SIRT7: variants seen among roughly 807,000 people sequenced by gnomAD.
SIRT7 encodes NAD-dependent protein deacetylase sirtuin-7.
SIRT7 carries 32 observed loss-of-function variants against 42.8 expected under a neutral mutation model. The ratio of observed to expected loss-of-function variants is 0.75; its 90% CI spans 0.56 to 1.00. SIRT7 has a LOEUF of 1.00. SIRT7 is among the 50% of genes least tolerant of loss of function. The pLI is 0.00. For missense variants in SIRT7, 553 were observed against 572.2 expected (o/e 0.97, Z 0.34); for synonymous variants, 297 against 245.2 (o/e 1.21, Z -1.97).
In SIRT7 at chr17:81,918,020, G is replaced by A. The variant is rs760532399; in HGVS notation, c.93+19C>T. 90 of 1,430,676 alleles carry A rather than the reference G, an allele frequency of 6.3e-5. No homozygotes were observed. The highest frequency in any genetic ancestry group is 7.8e-5 in the Non-Finnish European group (86 of 1,098,402). The allele number at this position is 1,430,676 out of a possible 1,614,324, so 88.6% of individuals were successfully genotyped here. ...GCGCGGGCCGGGCATGGCCGGGCCG[G>A]GGAGCGGCGGCGGCGTACCTGGCGG... On this transcript the variant is annotated intron_variant, in intron 1 of 9. Transcript: ENST00000328666.
At chr17:81,917,293 T>C (rs999585810) in intron 3 of SIRT7, 1 of 251,778 alleles carries the variant, frequency 4.0e-6, no homozygotes, top group African/African-American at 2.2e-5. Context: ...TTCTGGCTCT[T>C]ACTGTGTCAC....
intron 2 of SIRT7, 41 bp downstream of exon 2, chr17:81,917,789 C>A: frequency 7.1e-7 from 1 of 1,417,374 alleles, no homozygotes; most frequent in Non-Finnish European, 9.2e-7. Context: ...CCCAGCTGCT[C>A]CCGAAACCGG....
chr17:81,914,032 G>A (rs1439436889), intron 8 of SIRT7, 55 bp downstream of exon 8: 5 of 1,601,884 alleles, frequency 3.1e-6, no homozygotes, highest in Admixed American at 1.7e-5. Flanking sequence ...GGGTGTCTCT[G>A]GCTGTGCGTT....
In SIRT7 at chr17:81,913,964, T is replaced by C. The variant is rs1035778535; in HGVS notation, c.898-84A>G. The C allele has an allele frequency of 5.8e-6, 9 of 1,539,446 alleles. No homozygotes were observed. The highest frequency in any genetic ancestry group is 1.4e-5 in the African/African-American group (1 of 73,056). On this transcript the variant is annotated intron_variant, in intron 8 of 9. Coordinates refer to ENST00000328666, the MANE Select transcript of SIRT7 (RefSeq NM_016538.3). The surrounding 1 kb of genome is among the most constrained non-coding windows in gnomAD (Gnocchi z 5.0). Reference sequence around the variant, plus strand: ...TCAGCCTTGGCCCCTACGGGCTCAGTCGGTGCTCCCTGAGCACCCACGGGG... The same window carrying C: ...TCAGCCTTGGCCCCTACGGGCTCAGCCGGTGCTCCCTGAGCACCCACGGGG...
At position 81,914,536 on chromosome 17, in the gene SIRT7, G is replaced by A. The variant is rs371976739; in HGVS notation, c.580-6C>T. 2 of 1,613,152 alleles carry A rather than the reference G, an allele frequency of 1.2e-6. No individual in the cohort carries two copies. The highest frequency in any genetic ancestry group is 2.2e-5 in the East Asian group (1 of 44,886). The stretch of plus-strand genomic sequence containing the variant: ...GGAACGCAGGAGGTACAGACCTAGA[G>A]GCAAGAGGGCACAGTGAGTGGGACC... On this transcript the variant is annotated splice_region_variant and splice_polypyrimidine_tract_variant and intron_variant, in intron 6 of 9. Transcript: ENST00000328666.
chr17:81,913,321 A>G lies in SIRT7; in HGVS notation c.1004+453T>C. The G allele has an allele frequency of 2.2e-6, 1 of 455,728 alleles. No individual in the cohort carries two copies. The highest frequency in any genetic ancestry group is 1.6e-5 in the South Asian group (1 of 63,960). 28.2% of individuals were successfully genotyped at this position (455,728 alleles called of 1,614,324 possible). A position where few individuals can be genotyped will look rare whatever the true frequency, so the allele number is the denominator to read the frequency against. ...GAAAATTCACAGAGAAAGAGAGTGTAAACTTTTTACTCAATACATACACCA... is the reference window on the plus strand; with the variant it reads ...GAAAATTCACAGAGAAAGAGAGTGTGAACTTTTTACTCAATACATACACCA... On this transcript the variant is annotated intron_variant, in intron 9 of 9. Transcript: ENST00000328666. This position sits in a 1 kb window ranked among gnomAD's most constrained non-coding sequence, Gnocchi z 5.0.
At chr17:81,914,269 C>T (rs1218614515) in intron 7 of SIRT7, 25 bp downstream of exon 7, 22 of 1,612,000 alleles carry the variant, frequency 1.4e-5, no homozygotes, top group Non-Finnish European at 1.9e-5. Context: ...GGGCTCGGTT[C>T]ACTCATTGTG....
chr17:81,914,690 C>T lies in SIRT7; in HGVS notation c.493G>A (p.Val165Met), dbSNP rs2040760662. Residue 165 changes from valine to methionine, a missense_variant, in exon 6 of 10, where the codon GTG becomes ATG. Val to Met is a conservative substitution (Grantham distance 21). Transcript: ENST00000328666. ...TGGAGCCCGTCACAGTTCTGAGACA[C>T]CACATGCTGCACCTGGAAGGCAGAA... Reference protein sequence around the residue: ...LHEQKLVQHVVSQNCDGLHLR... With the variant: ...LHEQKLVQHVMSQNCDGLHLR... 6.2e-7 allele frequency: 1 copy of T among 1,612,454 alleles called. No homozygotes were observed. Among genetic ancestry groups the T allele is most frequent in the Non-Finnish European group, 8.5e-7 (1 of 1,179,908 alleles).
At position 81,913,745 on chromosome 17, in the gene SIRT7, G is replaced by A. The variant is rs576500277; in HGVS notation, c.1004+29C>T. 4.6e-6 allele frequency: 7 copies of A among 1,521,932 alleles called. No individual in the cohort carries two copies. In the East Asian group the frequency reaches 1.7e-4, roughly 37 times the overall value. The allele number at this position is 1,521,932 out of a possible 1,614,324, so 94.3% of individuals were successfully genotyped here. A position where few individuals can be genotyped will look rare whatever the true frequency, so the allele number is the denominator to read the frequency against. ...AAGGCCCAGCACACAGAGGTGCGGG[G>A]AAGCAGGCTGCTGCAGCGGCTCACT... On this transcript the variant is annotated intron_variant, in intron 9 of 9. Coordinates refer to ENST00000328666, the MANE Select transcript of SIRT7 (RefSeq NM_016538.3). The surrounding 1 kb of genome is among the most constrained non-coding windows in gnomAD (Gnocchi z 5.0).
Position 81,914,548 on chromosome 17 carries a change from C to T in SIRT7, c.580-18G>A, listed in dbSNP as rs1206804273. ...GTACAGACCTAGAGGCAAGAGGGCA[C>T]AGTGAGTGGGACCCGCCTGCCCATG... On this transcript the variant is annotated intron_variant, in intron 6 of 9. Coordinates refer to ENST00000328666, the MANE Select transcript of SIRT7 (RefSeq NM_016538.3). 6.2e-7 allele frequency: 1 copy of T among 1,612,996 alleles called. No individual in the cohort carries two copies. Among genetic ancestry groups the T allele is most frequent in the Non-Finnish European group, 8.5e-7 (1 of 1,179,824 alleles).
chr17:81,914,902 A>AG, intron 5 of SIRT7, 200 bp from the exon 6 acceptor site: 1 of 589,716 alleles, frequency 1.7e-6, no homozygotes, highest in Non-Finnish European at 3.0e-6. Flanking sequence ...TGTGGTGGGG[A>AG]GGGGCTGTCC....
At position 81,914,440 on chromosome 17, in the gene SIRT7, T is replaced by C; in HGVS notation, c.670A>G (p.Thr224Ala). Residue 224 changes from threonine (T) to alanine (A), a missense_variant, in exon 7 of 10, where the codon ACC becomes GCC. By Grantham distance (58) the Thr-to-Ala change is moderately conservative. Transcript: ENST00000328666. Reference sequence around the variant, plus strand: ...AGCTGGGTCCCACACTTGTGGCAGGTCCGGCCTGTCTGGTGTCTGTGGAGG... The same window carrying C: ...AGCTGGGTCCCACACTTGTGGCAGGCCCGGCCTGTCTGGTGTCTGTGGAGG... ...TALHRHQTGR[T>A]CHKCGTQLRD... 1 of 1,589,096 alleles carries C rather than the reference T, an allele frequency of 6.3e-7. No homozygotes were observed. The highest frequency in any genetic ancestry group is 1.7e-4 in the Middle Eastern group (1 of 5,992).
chr17:81,914,976 G>C (rs1044464296), intron 5 of SIRT7: 1 of 535,166 alleles, frequency 1.9e-6, no homozygotes, highest in South Asian at 2.0e-5. Context: ...TCCCGGCAAG[G>C]TTGGGAAGTG....
chr17:81,915,403 G>A (rs1166701734), intron 5 of SIRT7, 37 bp downstream of exon 5: 6 of 1,597,628 alleles, frequency 3.8e-6, no homozygotes, highest in Non-Finnish European at 5.1e-6. Flanking sequence ...GCTCTGCCTG[G>A]TCCCTGGCAA....
chr17:81,912,528 C>T lies in SIRT7; in HGVS notation c.1091G>A (p.Arg364Lys). The change falls in exon 10 of 10, where the codon AGA (arginine) becomes AAA (lysine). Residue 364 changes from arginine (R) to lysine (K), a missense_variant. Transcript: ENST00000328666. ...SHSRKSLCRS[R>K]EEAPPGDRGA... ...CCGGTCCCCAGGCGGGGCCTCCTCT[C>T]TGCTTCTGCACAGCGACTTCCGACT... 1 of 1,613,862 alleles carries T rather than the reference C, an allele frequency of 6.2e-7. No homozygotes were observed. Among genetic ancestry groups the T allele is most frequent in the Non-Finnish European group, 8.5e-7 (1 of 1,179,998 alleles).
Position 81,914,108 on chromosome 17 carries a change from C to A in SIRT7, c.876G>T (p.Lys292Asn). 6.2e-7 allele frequency: 1 copy of A among 1,613,562 alleles called. No individual in the cohort carries two copies. Among genetic ancestry groups the A allele is most frequent in the Non-Finnish European group, 8.5e-7 (1 of 1,180,028 alleles). Residue 292 changes from lysine (K) to asparagine (N), a missense_variant, in exon 8 of 10, where the codon AAG becomes AAT. Lys to Asn is a moderately conservative substitution (Grantham distance 94, BLOSUM62 0). Transcript: ENST00000328666. ...CMTKPPSRRP[K>N]LYIVNLQWTP... is the part of the protein sequence containing the mutation. ...TTACCTGCAGGTTCACGATGTAAAGCTTCGGCCGCCGGCTAGGGGGCTTGG... is the reference window on the plus strand; with the variant it reads ...TTACCTGCAGGTTCACGATGTAAAGATTCGGCCGCCGGCTAGGGGGCTTGG...
At position 81,912,258 on chromosome 17, in the gene SIRT7, A is replaced by G; in HGVS notation, c.*158T>C. On this transcript the variant is annotated 3_prime_UTR_variant, in exon 10 of 10. Transcript: ENST00000328666. ...GGCCGTATCAGGGTACAACCGCAGC[A>G]GTGCAAGGGGCTTCCTCAAGGACAA... The G allele has an allele frequency of 3.4e-6, 3 of 874,378 alleles. No homozygotes were observed. In the South Asian group the frequency reaches 4.6e-5, roughly 13 times the overall value. 54.2% of individuals were successfully genotyped at this position (874,378 alleles called of 1,614,324 possible).
Position 81,918,170 on chromosome 17 carries a change from AC to A in SIRT7, c.-40del, listed in dbSNP as rs764601813. 2 of 1,513,496 alleles carry A rather than the reference AC, an allele frequency of 1.3e-6. No individual in the cohort carries two copies. Among genetic ancestry groups the A allele is most frequent in the South Asian group, 2.4e-5 (2 of 81,958 alleles). 93.8% of individuals were successfully genotyped at this position (1,513,496 alleles called of 1,614,324 possible). A position where few individuals can be genotyped will look rare whatever the true frequency, so the allele number is the denominator to read the frequency against. Reference sequence around the variant, plus strand: ...ACCTGCTCTTCCGCTTCCGCCTCACACGGCAGGCCGCGCTCAGGGCGCATGC... The same window carrying A: ...ACCTGCTCTTCCGCTTCCGCCTCACAGGCAGGCCGCGCTCAGGGCGCATGC... On this transcript the variant is annotated 5_prime_UTR_variant, in exon 1 of 10. Transcript: ENST00000328666.
chr17:81,914,647 G>T lies in SIRT7; in HGVS notation c.536C>A (p.Pro179Gln), dbSNP rs567589929. ...GTGGAGCTCGGAGATGGCCGTGCGC[G>T]GCAGCCCACTCCTCAGGTGGAGCCC... ...CDGLHLRSGL[P>Q]RTAISELHGN... is the part of the protein sequence containing the mutation. The change falls in exon 6 of 10, where the codon CCG (proline) becomes CAG (glutamine). Residue 179 changes from proline (P) to glutamine (Q), a missense_variant. Coordinates refer to ENST00000328666, the MANE Select transcript of SIRT7 (RefSeq NM_016538.3). 4 of 1,613,068 alleles carry T rather than the reference G, an allele frequency of 2.5e-6. No individual in the cohort carries two copies. The highest frequency in any genetic ancestry group is 2.7e-5 in the African/African-American group (2 of 75,004).
Sources: gnomAD v4.1 joint callset for allele counts on GRCh38, gnomAD v4.1.1 for gene constraint, Gnocchi (gnomAD v3.1) non-coding constraint, MANE v1.5 for transcripts, NCBI Gene and HGNC (gene_info 2026-07-23, HGNC 2026-07-21) for gene names.